Variants in PBX1 observed in about 807,000 individuals in gnomAD.
The protein encoded by PBX1 is PBX homeobox 1.
PBX1 carries 6 observed loss-of-function variants against 53.4 expected under a neutral mutation model. That is an observed-to-expected ratio of 0.11 (90% CI 0.06 to 0.22). The LOEUF is 0.22. PBX1 is among the 10% of genes least tolerant of loss of function. The probability of loss-of-function intolerance (pLI) is 1.00; values close to 1 mark genes in which losing one functional copy is unlikely to be tolerated. For missense variants in PBX1, 251 were observed against 551.4 expected, an observed-to-expected ratio of 0.46 and a Z score of 5.46; for synonymous variants, 204 against 212.3, an observed-to-expected ratio of 0.96 and a Z score of 0.34.
At chr1:164,789,303 G>T (rs1251930648) in intron 2 of PBX1, among the ~76,000 whole-genome samples, 1 of 152,198 alleles carries the variant, frequency 6.6e-6, no homozygotes, top group Non-Finnish European at 1.5e-5. Context: ...TAAAAAGATG[G>T]TGTTTTAAAA....
rs558903293 is a variant in PBX1 at position 164,606,016 on chromosome 1, T to TC, written c.265+42706dup. Among the ~76,000 whole-genome samples the TC allele has an allele frequency of 1.4e-4, 21 of 152,330 alleles. No individual in the cohort carries two copies. The East Asian group carries it at 4.0e-3, about 29-fold the overall frequency. ...GGTAGATTTTCCTGGAGTTGCACTC[T>TC]CTATTTTTATAATAACATAAGCATA... is the stretch of plus-strand genomic sequence containing the variant. On this transcript the variant is annotated intron_variant, in intron 2 of 8. Transcript: ENST00000420696.
At chr1:164,760,094 GTTTAT>G (rs1666729629) in intron 2 of PBX1, among the ~76,000 whole-genome samples, 1 of 152,088 alleles carries the variant, frequency 6.6e-6, no homozygotes, top group African/African-American at 2.4e-5. Flanking sequence ...TTTCTATCTC[GTTTAT>G]TTTAAGTATA....
intron 2 of PBX1, among the ~76,000 whole-genome samples, chr1:164,586,463 G>T (rs1654958703): frequency 6.6e-6 from 1 of 152,126 alleles, no homozygotes; most frequent in Non-Finnish European, 1.5e-5. Flanking sequence ...ACAATTACTG[G>T]ACTGTTCTAT....
chr1:164,823,483 G>A (rs144007801), intron 8 of PBX1, among the ~76,000 whole-genome samples: 38 of 151,804 alleles, frequency 2.5e-4, no homozygotes, highest in African/African-American at 8.4e-4. Context: ...CAAGAACCTG[G>A]CCATACTCAA....
chr1:164,833,179 A>C (rs891858440), intron 8 of PBX1, among the ~76,000 whole-genome samples: 2 of 151,450 alleles, frequency 1.3e-5, no homozygotes, highest in Non-Finnish European at 2.9e-5. Flanking sequence ...CATCAGGGCA[A>C]TAACCCTCCC....
intron 2 of PBX1, among the ~76,000 whole-genome samples, chr1:164,863,489 G>A (rs1015376880): frequency 6.6e-6 from 1 of 152,156 alleles, no homozygotes; most frequent in Non-Finnish European, 1.5e-5. Flanking sequence ...ACTGTCTAGT[G>A]GGGGTATCTA....
chr1:164,668,527 A>T (rs952733925), intron 2 of PBX1, among the ~76,000 whole-genome samples: 1 of 151,774 alleles, frequency 6.6e-6, no homozygotes, highest in Non-Finnish European at 1.5e-5. Flanking sequence ...TCCTGAGGTG[A>T]TCTTTAGATA....
chr1:164,609,093 T>C (rs530022309), intron 2 of PBX1, among the ~76,000 whole-genome samples: 10 of 152,166 alleles, frequency 6.6e-5, no homozygotes, highest in Non-Finnish European at 1.3e-4. Flanking sequence ...TACTCATTAA[T>C]GAGAAAATAA....
intron 2 of PBX1, among the ~76,000 whole-genome samples, chr1:164,592,786 C>T (rs1365473010): frequency 1.3e-5 from 2 of 152,148 alleles, no homozygotes; most frequent in African/African-American, 2.4e-5. Flanking sequence ...TCTGCTGCTT[C>T]CTGGACACAC....
chr1:164,620,525 C>T (rs1275954318), intron 2 of PBX1, among the ~76,000 whole-genome samples: 1 of 152,062 alleles, frequency 6.6e-6, no homozygotes, highest in Non-Finnish European at 1.5e-5. Flanking sequence ...CACCTCACCA[C>T]CCTGTGACAT....
intron 2 of PBX1, among the ~76,000 whole-genome samples, chr1:164,876,768 A>G (rs1244065202): frequency 1.3e-5 from 2 of 152,042 alleles, no homozygotes; most frequent in African/African-American, 4.8e-5. Context: ...AGAAGGGGAG[A>G]GTCCTCCAGG....
intron 2 of PBX1, among the ~76,000 whole-genome samples, chr1:164,601,833 G>T (rs938118147): frequency 3.9e-5 from 6 of 152,086 alleles, no homozygotes; most frequent in Admixed American, 6.6e-5. Flanking sequence ...ATTCTGGAGA[G>T]ACTTGAGAGA....
intron 2 of PBX1, among the ~76,000 whole-genome samples, chr1:164,877,244 C>T (rs1444101808): frequency 1.3e-5 from 2 of 151,184 alleles, no homozygotes; most frequent in Non-Finnish European, 3.0e-5. Flanking sequence ...GGATTATAGC[C>T]CAGTGATGGG....
At chr1:164,626,241 A>T (rs1483553587) in intron 2 of PBX1, 1 of 403,882 alleles carries the variant, frequency 2.5e-6, no homozygotes, top group Non-Finnish European at 3.5e-6. Context: ...GAAATACGGT[A>T]TTTGGAAATC....
At position 164,850,544 on chromosome 1, in the gene PBX1, T is replaced by C. The variant is rs182844405; in HGVS notation, c.*3868T>C. ...CTTTTTTTAATTGTCAGGATTATGA[T>C]CTTGCTGTTTTTCTTCAATATGTAT... On this transcript the variant is annotated 3_prime_UTR_variant, in exon 9 of 9. Coordinates refer to ENST00000420696, the MANE Select transcript of PBX1 (RefSeq NM_002585.4). 218 of 194,026 alleles carry C rather than the reference T, an allele frequency of 1.1e-3. No individual in the cohort carries two copies. In the Middle Eastern group the frequency reaches 0.012, roughly 11 times the overall value. The allele number at this position is 194,026 out of a possible 1,614,324, so 12.0% of individuals were successfully genotyped here.
chr1:164,880,335 T>G (rs1391889378), intron 2 of PBX1, among the ~76,000 whole-genome samples: 2 of 152,208 alleles, frequency 1.3e-5, no homozygotes, highest in Non-Finnish European at 2.9e-5. Context: ...GCGTTCTTCA[T>G]TGCCACAGTT....
At chr1:164,661,805 T>C (rs1317966887) in intron 2 of PBX1, among the ~76,000 whole-genome samples, 1 of 152,188 alleles carries the variant, frequency 6.6e-6, no homozygotes, top group African/African-American at 2.4e-5. Context: ...TATCACCTCA[T>C]TGGAAGTTAA....
chr1:164,727,536 A>AT (rs1311044333), intron 2 of PBX1, among the ~76,000 whole-genome samples: 4 of 152,088 alleles, frequency 2.6e-5, no homozygotes, highest in African/African-American at 7.2e-5. Flanking sequence ...GTGGCTTTTT[A>AT]TTCTTAAGTC....
intron 2 of PBX1, among the ~76,000 whole-genome samples, chr1:164,765,300 G>T (rs1667007618): frequency 6.6e-6 from 1 of 152,218 alleles, no homozygotes; most frequent in African/African-American, 2.4e-5. Context: ...ACATGTATGT[G>T]TGAGATTGTG....
Sources: allele counts gnomAD v4.1 joint callset (sites outside exome capture counted in the v4.1 genomes callset), GRCh38; gene constraint gnomAD v4.1.1; transcripts MANE v1.5; gene names NCBI Gene and HGNC (gene_info 2026-07-23, HGNC 2026-07-21).